The following KLF10 variants were observed in gnomAD, a reference collection of about 807,000 sequenced individuals.
KLF10 encodes Krueppel-like factor 10.
A neutral mutation model predicts 31.6 loss-of-function variants in KLF10; 17 were observed. The ratio of observed to expected loss-of-function variants is 0.54; its 90% CI spans 0.37 to 0.81. The LOEUF (loss-of-function observed/expected upper bound fraction) is 0.81, where lower values mean the gene tolerates loss of function less well. Among genes scored for constraint, KLF10 ranks in the 30% least tolerant of loss-of-function variants. KLF10 has a pLI of 0.00. For missense variants in KLF10, 525 were observed against 598.1 expected (o/e 0.88, Z 1.27); for synonymous variants, 239 against 215.1 (o/e 1.11, Z -0.97).
intron 1 of KLF10, chr8:102,653,770 C>A (rs1028138190): frequency 9.1e-7 from 1 of 1,094,148 alleles, no homozygotes; most frequent in East Asian, 5.4e-5. Flanking sequence ...GAAAGGCAGG[C>A]GGCAGGGAAA....
Position 102,649,812 on chromosome 8 carries a change from TA to T in KLF10, c.*319del, listed in dbSNP as rs1404522857. ...TGGTCTCAAGTATAAACAGCAAAAG[TA>T]AAGTAACAAATATGCACACAGATTC... On this transcript the variant is annotated 3_prime_UTR_variant, in exon 4 of 4. Transcript: ENST00000285407. 2 of 324,202 alleles carry T rather than the reference TA, an allele frequency of 6.2e-6. No homozygotes were observed. Among genetic ancestry groups the T allele is most frequent in the East Asian group, 6.1e-5 (1 of 16,282 alleles). The allele number at this position is 324,202 out of a possible 1,614,324, so 20.1% of individuals were successfully genotyped here.
At position 102,655,669 on chromosome 8, in the gene KLF10, G is replaced by A. The variant is rs1163504836; in HGVS notation, c.-68C>T. 8.2e-6 allele frequency: 13 copies of A among 1,577,988 alleles called. No homozygotes were observed. The South Asian group carries it at 1.1e-4, about 14-fold the overall frequency. ...GGCTGCTGGCTGCTTGGCCACAGAC[G>A]GGCGCACGGAGACACTCGACGCCGC... On this transcript the variant is annotated 5_prime_UTR_variant, in exon 1 of 4. Coordinates refer to ENST00000285407, the MANE Select transcript of KLF10 (RefSeq NM_005655.4).
chr8:102,652,287 G>C lies in KLF10; in HGVS notation c.147C>G (p.Ser49Arg). The C allele has an allele frequency of 6.2e-7, 1 of 1,613,410 alleles. No homozygotes were observed. Among genetic ancestry groups the C allele is most frequent in the South Asian group, 1.1e-5 (1 of 91,028 alleles). The change falls in exon 2 of 4, where the codon AGC becomes AGG. Residue 49 changes from serine (S) to arginine (R), a missense_variant. Around this residue, in one of 3 missense-constraint regions of KLF10, gnomAD observed 434 missense variants for 450.7 expected, o/e 0.96. Coordinates refer to ENST00000285407, the MANE Select transcript of KLF10 (RefSeq NM_005655.4). ...TCTTAAAATCAGACTTCCAACTGCAGCTCATTGACATAAGTGCTTCTACAG... is the reference window on the plus strand; with the variant it reads ...TCTTAAAATCAGACTTCCAACTGCACCTCATTGACATAAGTGCTTCTACAG... ...FEAVEALMSM[S>R]CSWKSDFKKY...
Position 102,650,126 on chromosome 8 carries a change from G to A in KLF10, c.*6C>T, listed in dbSNP as rs746104666. ...AGTTAGTTCTGACTCTTCACTTTCC[G>A]GTCTGTCACTGTGTGGGAGCAGGGG... On this transcript the variant is annotated 3_prime_UTR_variant, in exon 4 of 4. Coordinates refer to ENST00000285407, the MANE Select transcript of KLF10 (RefSeq NM_005655.4). The A allele has an allele frequency of 2.9e-5, 47 of 1,613,582 alleles. No homozygotes were observed. Among genetic ancestry groups the A allele is most frequent in the African/African-American group, 4.0e-5 (3 of 74,918 alleles).
Position 102,651,269 on chromosome 8 carries a change from C to G in KLF10, c.1063G>C (p.Ala355Pro). The part of the protein sequence containing the change: ...APAPGFSPSA[A>P]KVTPQIDSSR... ...GAATCAATCTGAGGAGTGACTTTTG[C>G]TGCTGAAGGGGAAAACCCAGGAGCA... The change falls in exon 3 of 4, where the codon GCA becomes CCA. Residue 355 changes from alanine (A) to proline (P), a missense_variant. Coordinates refer to ENST00000285407, the MANE Select transcript of KLF10 (RefSeq NM_005655.4). The G allele has an allele frequency of 6.2e-7, 1 of 1,607,184 alleles. No individual in the cohort carries two copies. The highest frequency in any genetic ancestry group is 1.7e-5 in the Admixed American group (1 of 58,888).
Position 102,651,201 on chromosome 8 carries a change from G to A in KLF10, c.1131C>T (p.Gly377=). ...RSHICSHPGC[G]KTYFKSSHLK... is the part of the protein sequence containing the mutation. ...GATGGGAACTTTTAAAGTATGTCTT[G>A]CCACATCCTGGGTGGCTACAGATGT... The change falls in exon 3 of 4, where the codon GGC becomes GGT. Residue 377 remains glycine, a synonymous_variant. Transcript: ENST00000285407. 6.5e-7 allele frequency: 1 copy of A among 1,530,774 alleles called. No homozygotes were observed. The highest frequency in any genetic ancestry group is 8.8e-7 in the Non-Finnish European group (1 of 1,138,486). The allele number at this position is 1,530,774 out of a possible 1,614,324, so 94.8% of individuals were successfully genotyped here.
rs1827199963 is a variant in KLF10 at position 102,651,218 on chromosome 8, T to G, written c.1114A>C (p.Ser372Arg). Residue 372 changes from serine (S) to arginine (R), a missense_variant, in exon 3 of 4, where the codon AGC becomes CGC. Physicochemically the swap from Ser to Arg is moderately radical, Grantham distance 110. This residue lies in a region of KLF10 where 49 missense variants were observed against 105.0 expected (regional missense o/e 0.47). Coordinates refer to ENST00000285407, the MANE Select transcript of KLF10 (RefSeq NM_005655.4). Reference sequence around the variant, plus strand: ...TATGTCTTGCCACATCCTGGGTGGCTACAGATGTGACTCCTTATCCTTGAT... The same window carrying G: ...TATGTCTTGCCACATCCTGGGTGGCGACAGATGTGACTCCTTATCCTTGAT... ...DSSRIRSHIC[S>R]HPGCGKTYFK... 1 of 1,560,964 alleles carries G rather than the reference T, an allele frequency of 6.4e-7. No homozygotes were observed. Among genetic ancestry groups the G allele is most frequent in the Non-Finnish European group, 8.7e-7 (1 of 1,154,082 alleles).
At chr8:102,654,764 G>A (rs529076166) in intron 1 of KLF10, among the ~76,000 whole-genome samples, 101 of 150,706 alleles carry the variant, frequency 6.7e-4, no homozygotes, top group South Asian at 1.9e-3. Context: ...TCGCGGCCCA[G>A]CTCCCCCCGC....
In KLF10 at chr8:102,655,670, G is replaced by A; in HGVS notation, c.-69C>T. 1 of 1,575,672 alleles carries A rather than the reference G, an allele frequency of 6.3e-7. No homozygotes were observed. Among genetic ancestry groups the A allele is most frequent in the Non-Finnish European group, 8.7e-7 (1 of 1,152,552 alleles). On this transcript the variant is annotated 5_prime_UTR_variant, in exon 1 of 4. Coordinates refer to ENST00000285407, the MANE Select transcript of KLF10 (RefSeq NM_005655.4). ...GCTGCTGGCTGCTTGGCCACAGACGGGCGCACGGAGACACTCGACGCCGCT... is the reference window on the plus strand; with the variant it reads ...GCTGCTGGCTGCTTGGCCACAGACGAGCGCACGGAGACACTCGACGCCGCT...
At position 102,655,685 on chromosome 8, in the gene KLF10, T is replaced by C. The variant is rs1587837054; in HGVS notation, c.-84A>G. The C allele has an allele frequency of 6.7e-7, 1 of 1,490,018 alleles. No individual in the cohort carries two copies. Among genetic ancestry groups the C allele is most frequent in the East Asian group, 2.4e-5 (1 of 42,118 alleles). The allele number at this position is 1,490,018 out of a possible 1,614,324, so 92.3% of individuals were successfully genotyped here. A position where few individuals can be genotyped will look rare whatever the true frequency, so the allele number is the denominator to read the frequency against. ...GCCACAGACGGGCGCACGGAGACAC[T>C]CGACGCCGCTCCCGCCGCCGCCGCG... On this transcript the variant is annotated 5_prime_UTR_variant, in exon 1 of 4. Coordinates refer to ENST00000285407, the MANE Select transcript of KLF10 (RefSeq NM_005655.4).
At position 102,651,414 on chromosome 8, in the gene KLF10, C is replaced by T. The variant is rs774585690; in HGVS notation, c.918G>A (p.Val306=). ...CTTTGGGGACTTGTGTGCCCATGAA[C>T]ACAACAGGGGGGCAAACGGCTGGTG... The part of the protein sequence containing the change: ...SQPPAVCPPV[V]FMGTQVPKGA... Residue 306 remains valine (V), a synonymous_variant, in exon 3 of 4, where the codon GTG becomes GTA. Transcript: ENST00000285407. 17 of 1,612,446 alleles carry T rather than the reference C, an allele frequency of 1.1e-5. No individual in the cohort carries two copies. The highest frequency in any genetic ancestry group is 6.7e-5 in the African/African-American group (5 of 74,994).
Position 102,651,439 on chromosome 8 carries a change from G to C in KLF10, c.893C>G (p.Pro298Arg). The C allele has an allele frequency of 6.2e-7, 1 of 1,613,932 alleles. No individual in the cohort carries two copies. Among genetic ancestry groups the C allele is most frequent in the Non-Finnish European group, 8.5e-7 (1 of 1,179,912 alleles). ...TVVPSTPPSQ[P>R]PAVCPPVVFM... Reference sequence around the variant, plus strand: ...CACAACAGGGGGGCAAACGGCTGGTGGCTGGCTGGGAGGAGTGCTGGGAAC... The same window carrying C: ...CACAACAGGGGGGCAAACGGCTGGTCGCTGGCTGGGAGGAGTGCTGGGAAC... The change falls in exon 3 of 4, where the codon CCA becomes CGA. Residue 298 changes from proline to arginine, a missense_variant. Physicochemically the swap from Pro to Arg is moderately radical, Grantham distance 103. Transcript: ENST00000285407.
At chr8:102,655,271 C>T (rs893523767) in intron 1 of KLF10, among the ~76,000 whole-genome samples, 2 of 151,956 alleles carry the variant, frequency 1.3e-5, no homozygotes, top group African/African-American at 4.8e-5. Flanking sequence ...TCATCCTCCT[C>T]CTCACCAGCC....
chr8:102,653,606 G>A (rs1260073302), intron 1 of KLF10: 24 of 1,351,560 alleles, frequency 1.8e-5, no homozygotes, highest in African/African-American at 3.0e-5. Flanking sequence ...AATGCATGAT[G>A]CCTTCGTGTT....
rs774634708 is a variant in KLF10, at chr8:102,651,787, T to C, written c.545A>G (p.Asn182Ser). The change falls in exon 3 of 4, where the codon AAC becomes AGC. Residue 182 changes from asparagine (N) to serine (S), a missense_variant. Asn to Ser is a conservative substitution (Grantham distance 46). This residue lies in a region of KLF10 where 434 missense variants were observed against 450.7 expected (regional missense o/e 0.96). Transcript: ENST00000285407. ...MKAASILNYQNNSFRRRTHLN... is the reference protein window; with the variant it reads ...MKAASILNYQSNSFRRRTHLN... Reference sequence around the variant, plus strand: ...GTGGGTTCTTCTTCTAAAAGAATTGTTCTGATAGTTGAGGATGCTGGCTGC... The same window carrying C: ...GTGGGTTCTTCTTCTAAAAGAATTGCTCTGATAGTTGAGGATGCTGGCTGC... The C allele has an allele frequency of 2.5e-6, 4 of 1,614,142 alleles. No homozygotes were observed. The highest frequency in any genetic ancestry group is 2.2e-5 in the South Asian group (2 of 91,094).
intron 1 of KLF10, chr8:102,653,444 C>A: frequency 6.5e-7 from 1 of 1,533,186 alleles, no homozygotes; most frequent in Non-Finnish European, 8.8e-7. Context: ...CTTTGAACTA[C>A]GCTAAAAAAA....
chr8:102,651,416 C>T lies in KLF10; in HGVS notation c.916G>A (p.Val306Met). The T allele has an allele frequency of 6.2e-7, 1 of 1,612,998 alleles. No homozygotes were observed. The highest frequency in any genetic ancestry group is 8.5e-7 in the Non-Finnish European group (1 of 1,179,434). The change falls in exon 3 of 4, where the codon GTG becomes ATG. Residue 306 changes from valine to methionine, a missense_variant. Physicochemically the swap from Val to Met is conservative, Grantham distance 21 (BLOSUM62 1). Coordinates refer to ENST00000285407, the MANE Select transcript of KLF10 (RefSeq NM_005655.4). ...SQPPAVCPPV[V>M]FMGTQVPKGA... ...TTGGGGACTTGTGTGCCCATGAACA[C>T]AACAGGGGGGCAAACGGCTGGTGGC...
At chr8:102,653,771 G>C in intron 1 of KLF10, 19 of 1,099,158 alleles carry the variant, frequency 1.7e-5, no homozygotes, top group Non-Finnish European at 2.1e-5. Flanking sequence ...AAAGGCAGGC[G>C]GCAGGGAAAG....
chr8:102,651,786 G>C lies in KLF10; in HGVS notation c.546C>G (p.Asn182Lys). 1 of 1,614,214 alleles carries C rather than the reference G, an allele frequency of 6.2e-7. No homozygotes were observed. The highest frequency in any genetic ancestry group is 8.5e-7 in the Non-Finnish European group (1 of 1,180,042). The change falls in exon 3 of 4, where the codon AAC (asparagine) becomes AAG (lysine). Residue 182 changes from asparagine to lysine, a missense_variant. Physicochemically the swap from Asn to Lys is moderately conservative, Grantham distance 94. Coordinates refer to ENST00000285407, the MANE Select transcript of KLF10 (RefSeq NM_005655.4). ...MKAASILNYQ[N>K]NSFRRRTHLN... ...GGTGGGTTCTTCTTCTAAAAGAATT[G>C]TTCTGATAGTTGAGGATGCTGGCTG...
Sources: gnomAD v4.1 joint callset for allele counts (sites outside exome capture counted in the v4.1 genomes callset) on GRCh38, gnomAD v4.1.1 for gene constraint, gnomAD v4.1.1 regional missense constraint, MANE v1.5 for transcripts, NCBI Gene and HGNC (gene_info 2026-07-23, HGNC 2026-07-21) for gene names.